CCDC30: variants seen among roughly 807,000 people sequenced by gnomAD.
CCDC30 encodes coiled-coil domain containing 30.
Under a neutral mutation model 100.2 loss-of-function variants are expected in CCDC30, and 70 were observed. The observed-to-expected ratio is 0.70, with a 90% CI of 0.58 to 0.85. The LOEUF is 0.85. CCDC30 is among the 40% of genes least tolerant of loss of function. The pLI, the probability that CCDC30 is intolerant of heterozygous loss-of-function variation, is 0.00. For synonymous variants in CCDC30, 233 were observed against 269.5 expected, an observed-to-expected ratio of 0.86 and a Z score of 1.33; for missense variants, 652 against 771.2, an observed-to-expected ratio of 0.85 and a Z score of 1.83.
At chr1:42,497,595 A>G (rs1275464698) in intron 5 of CCDC30, among the ~76,000 whole-genome samples, 1 of 152,180 alleles carries the variant, frequency 6.6e-6, no homozygotes, top group Non-Finnish European at 1.5e-5. Context: ...CTTCTTAGCA[A>G]TTTACTGATT....
intron 7 of CCDC30, among the ~76,000 whole-genome samples, chr1:42,575,822 T>A (rs1231579249): frequency 6.6e-6 from 1 of 152,060 alleles, no homozygotes; most frequent in African/African-American, 2.4e-5. Flanking sequence ...TCAGATTAAA[T>A]GATTCTGAAA....
At chr1:42,539,380 ATTAATT>A in intron 6 of CCDC30, 70 bp downstream of exon 8, 1 of 1,372,900 alleles carries the variant, frequency 7.3e-7, no homozygotes, top group Non-Finnish European at 9.9e-7. Flanking sequence ...TTAAAAGGAA[ATTAATT>A]TTAAGCAACA....
intron 11 of CCDC30, among the ~76,000 whole-genome samples, chr1:42,614,837 C>T (rs1388894986): frequency 1.3e-5 from 2 of 151,860 alleles, no homozygotes; most frequent in Non-Finnish European, 1.5e-5. Context: ...TAAAAGTTCT[C>T]TATGACCTGT....
At chr1:42,595,811 A>G (rs1396826297) in intron 10 of CCDC30, among the ~76,000 whole-genome samples, 1 of 152,198 alleles carries the variant, frequency 6.6e-6, no homozygotes, top group African/African-American at 2.4e-5. Context: ...TCCTGCTATC[A>G]TGCACCTTGT....
chr1:42,521,764 AT>A (rs1222755584), intron 6 of CCDC30, among the ~76,000 whole-genome samples: 1 of 151,774 alleles, frequency 6.6e-6, no homozygotes, highest in Non-Finnish European at 1.5e-5. Flanking sequence ...ATTATGATAT[AT>A]TTTTACTATA....
intron 11 of CCDC30, among the ~76,000 whole-genome samples, chr1:42,634,191 G>A (rs1250238047): frequency 1.3e-5 from 2 of 150,082 alleles, no homozygotes; most frequent in Non-Finnish European, 3.0e-5. Context: ...TACTCAGGAG[G>A]CTGAGGTGGG....
rs560659475 is a variant in CCDC30, at chr1:42,566,465, A to G, written c.626A>G (p.Glu209Gly). The change falls in exon 7 of 17, where the codon GAA (glutamate) becomes GGA (glycine). Residue 209 changes from glutamate (E) to glycine (G), a missense_variant. Transcript: ENST00000668663. ...CAACATAATAGCTTACTTCAGGAAG[A>G]AAACATTAAGGTAACTCTTGTGGGC... 54 of 1,613,410 alleles carry G rather than the reference A, an allele frequency of 3.3e-5. No individual in the cohort carries two copies. The East Asian group carries it at 1.1e-3, about 33-fold the overall frequency.
At chr1:42,637,866 T>C (rs190375529) in intron 12 of CCDC30, among the ~76,000 whole-genome samples, 1 of 152,332 alleles carries the variant, frequency 6.6e-6, no homozygotes, top group African/African-American at 2.4e-5. Context: ...ATGGGACAGA[T>C]GAATAGAATC....
At chr1:42,636,955 G>A (rs1461306182) in intron 11 of CCDC30, among the ~76,000 whole-genome samples, 12 of 88,530 alleles carry the variant, frequency 1.4e-4, no homozygotes, top group African/African-American at 5.4e-4. Context: ...GACAGAGCAA[G>A]ACTCCATCTC....
chr1:42,641,992 A>G lies in CCDC30; in HGVS notation c.1420-481A>G, dbSNP rs536809292. On this transcript the variant is annotated intron_variant, in intron 12 of 16. Transcript: ENST00000668663. ...TGTAATCCCAGCAATTTGGGAGGCC[A>G]AGGTGGGCGGATCACAAGGTCAGGA... Among the ~76,000 whole-genome samples, 856 of 152,240 alleles carry G rather than the reference A, an allele frequency of 5.6e-3. 10 individuals carry two copies. The highest frequency in any genetic ancestry group is 0.018 in the African/African-American group (763 of 41,546).
chr1:42,595,144 A>T (rs185543183), intron 10 of CCDC30: 4 of 151,384 alleles, frequency 2.6e-5, no homozygotes, highest in Non-Finnish European at 4.4e-5. Context: ...CAGAAGCAAT[A>T]TTTTTTTTTA....
chr1:42,642,459 T>G lies in CCDC30; in HGVS notation c.1420-14T>G, dbSNP rs775796657. 1 of 1,499,904 alleles carries G rather than the reference T, an allele frequency of 6.7e-7. No individual in the cohort carries two copies. The highest frequency in any genetic ancestry group is 2.5e-5 in the East Asian group (1 of 40,792). 92.9% of individuals were successfully genotyped at this position (1,499,904 alleles called of 1,614,324 possible). A position where few individuals can be genotyped will look rare whatever the true frequency, so the allele number is the denominator to read the frequency against. On this transcript the variant is annotated splice_polypyrimidine_tract_variant and intron_variant, in intron 12 of 16. Coordinates refer to ENST00000668663, the Ensembl canonical transcript of CCDC30. ...TCTCCTGCTGTGGTAATTAGGAGAC[T>G]TTCTAATCCCTAGGAGAAGGCAATA...
the CCDC30 span, chr1:42,456,307 C>A: frequency 1.7e-5 from 10 of 595,616 alleles, no homozygotes; most frequent in Non-Finnish European, 3.0e-5. Context: ...TTCACCCAGG[C>A]TAGGAAACGA....
chr1:42,598,843 T>C (rs1192681617), intron 10 of CCDC30, among the ~76,000 whole-genome samples: 2 of 151,934 alleles, frequency 1.3e-5, no homozygotes, highest in Non-Finnish European at 2.9e-5. Context: ...GGAGGATCGC[T>C]TGAGACCAGG....
intron 11 of CCDC30, among the ~76,000 whole-genome samples, chr1:42,635,547 C>T (rs908866626): frequency 6.6e-6 from 1 of 151,978 alleles, no homozygotes; most frequent in Non-Finnish European, 1.5e-5. Context: ...TGGTGGCTGG[C>T]GCCTGTAATC....
chr1:42,456,763 T>A, the CCDC30 span: 23 of 1,612,296 alleles, frequency 1.4e-5, no homozygotes, highest in Non-Finnish European at 1.9e-5. Context: ...GGCGGCGCGG[T>A]GCAACCTCGG....
upstream of CCDC30, chr1:42,460,345 T>TAC: frequency 9.1e-6 from 9 of 987,462 alleles, no homozygotes; most frequent in Non-Finnish European, 1.1e-5. Flanking sequence ...CATATCTTGT[T>TAC]TAGGAAATGG....
downstream of CCDC30, among the ~76,000 whole-genome samples, chr1:42,655,613 AG>A (rs1648631213): frequency 6.6e-6 from 1 of 152,136 alleles, no homozygotes; most frequent in Non-Finnish European, 1.5e-5. Flanking sequence ...TTCCTGGGGG[AG>A]GGGGTATGAG....
intron 4 of CCDC30, among the ~76,000 whole-genome samples, chr1:42,491,256 A>G (rs1217773785): frequency 6.6e-6 from 1 of 152,230 alleles, no homozygotes; most frequent in Non-Finnish European, 1.5e-5. Context: ...TTTTACCAGA[A>G]TACACATTCT....
Sources: allele counts gnomAD v4.1 joint callset (sites outside exome capture counted in the v4.1 genomes callset), GRCh38; gene constraint gnomAD v4.1.1; transcripts MANE v1.5; gene names NCBI Gene and HGNC (gene_info 2026-07-23, HGNC 2026-07-21).